The following MYO7B variants were observed in gnomAD, a reference collection of about 807,000 sequenced individuals.
MYO7B encodes the protein myosin VIIB.
MYO7B carries 212 observed loss-of-function variants against 259.7 expected under a neutral mutation model. The observed-to-expected ratio is 0.82, with a 90% CI of 0.73 to 0.91. MYO7B has a LOEUF of 0.91. Among genes scored for constraint, MYO7B ranks in the 40% least tolerant of loss-of-function variants. The probability of loss-of-function intolerance (pLI) is 0.00; values close to 1 mark genes in which losing one functional copy is unlikely to be tolerated. For missense variants in MYO7B, 2,732 were observed against 2,813.5 expected (o/e 0.97, Z 0.66); for synonymous variants, 1,197 against 1,166.4 (o/e 1.03, Z -0.54).
intron 6 of MYO7B, among the ~76,000 whole-genome samples, chr2:127,570,439 C>T (rs1035742837): frequency 6.6e-6 from 1 of 152,200 alleles, no homozygotes; most frequent in African/African-American, 2.4e-5. Flanking sequence ...TTGGCCAACC[C>T]AGCAGGCAGC....
In MYO7B at chr2:127,635,819, G is replaced by T; in HGVS notation, c.5918G>T (p.Arg1973Leu). ...TACAAGGCCCAGTTCAACAACGACCGGTCCCAGCTGGCTAGTGTCCCCAAG... is the reference window on the plus strand; with the variant it reads ...TACAAGGCCCAGTTCAACAACGACCTGTCCCAGCTGGCTAGTGTCCCCAAG... ...LIYKAQFNNDRSQLASVPKIL... is the reference protein window; with the variant it reads ...LIYKAQFNNDLSQLASVPKIL... Residue 1973 changes from arginine (R) to leucine (L), a missense_variant, in exon 44 of 48, where the codon CGG (arginine) becomes CTG (leucine). Physicochemically the swap from Arg to Leu is moderately radical, Grantham distance 102. Transcript: ENST00000409816. 6.3e-7 allele frequency: 1 copy of T among 1,587,334 alleles called. No homozygotes were observed. The highest frequency in any genetic ancestry group is 1.2e-5 in the South Asian group (1 of 86,826).
intron 2 of MYO7B, among the ~76,000 whole-genome samples, chr2:127,562,482 G>GTTTTTTTTTTTTT (rs56290548): frequency 2.5e-4 from 15 of 61,200 alleles, no homozygotes; most frequent in East Asian, 5.5e-4. Flanking sequence ...GGGTTTTATT[G>GTTTTTTTTTTTTT]TTTTTTTTTT....
At chr2:127,619,078 G>A (rs1388922311) in intron 26 of MYO7B, among the ~76,000 whole-genome samples, 1 of 141,304 alleles carries the variant, frequency 7.1e-6, no homozygotes, top group Admixed American at 7.0e-5. Context: ...TTGGGTTGTG[G>A]GGGCTGGTTG....
rs955692834 is a variant in MYO7B at position 127,539,890 on chromosome 2, C to T, written c.-24+4059C>T. ...TGTATCGTTCTTACGCCTTTGCAGC[C>T]TCATAGCTTAGCTCCCATTTATAAG... On this transcript the variant is annotated intron_variant, in intron 1 of 47. Transcript: ENST00000409816. The surrounding 1 kb of genome is among the most constrained non-coding windows in gnomAD (Gnocchi z 4.0). 6.6e-6 allele frequency among the ~76,000 whole-genome samples: 1 copy of T among 152,222 alleles called. No homozygotes were observed. The highest frequency in any genetic ancestry group is 1.5e-5 in the Non-Finnish European group (1 of 68,044).
intron 35 of MYO7B, 85 bp from the exon 36 acceptor site, chr2:127,630,693 T>G: frequency 5.7e-6 from 9 of 1,573,834 alleles, no homozygotes; most frequent in Non-Finnish European, 7.8e-6. Flanking sequence ...CCCAAGTCAC[T>G]GAGGCTGCCA....
rs1490931354 is a variant in MYO7B at position 127,636,817 on chromosome 2, C to T, written c.6231C>T (p.Phe2077=). ...AGGACCTGCTCACCACCTATCCCTT[C>T]ACCAAGATCTCCAGCTGGAGCAGCG... ...KTKDLLTTYP[F]TKISSWSSGS... is the part of the protein sequence containing the mutation. Residue 2077 remains phenylalanine (F), a synonymous_variant, in exon 47 of 48, where the codon TTC becomes TTT. Transcript: ENST00000409816. The surrounding 1 kb of genome is among the most constrained non-coding windows in gnomAD (Gnocchi z 4.5). 1.9e-6 allele frequency: 3 copies of T among 1,593,236 alleles called. No homozygotes were observed. The highest frequency in any genetic ancestry group is 2.3e-5 in the East Asian group (1 of 43,570).
chr2:127,629,098 G>A (rs1317466699), intron 34 of MYO7B, among the ~76,000 whole-genome samples: 2 of 152,230 alleles, frequency 1.3e-5, no homozygotes, highest in African/African-American at 4.8e-5. Context: ...GGTCATGGGC[G>A]GTGGGTGGTG....
intron 1 of MYO7B, among the ~76,000 whole-genome samples, chr2:127,555,433 G>C (rs1384172552): frequency 5.9e-5 from 9 of 152,000 alleles, no homozygotes; most frequent in African/African-American, 2.2e-4. Flanking sequence ...CTTCTGCTGG[G>C]TTTGGATTTG....
chr2:127,581,380 T>C (rs1006516447), intron 10 of MYO7B, among the ~76,000 whole-genome samples: 2 of 152,148 alleles, frequency 1.3e-5, no homozygotes, highest in Non-Finnish European at 2.9e-5. Context: ...GTCACCCCCA[T>C]TGACAGTTCT....
chr2:127,600,101 A>C (rs1421131774), intron 19 of MYO7B, among the ~76,000 whole-genome samples: 1 of 152,204 alleles, frequency 6.6e-6, no homozygotes, highest in East Asian at 1.9e-4. Flanking sequence ...GTTTGGCAAA[A>C]GTCTCCAGTG....
At chr2:127,548,881 A>G (rs1219594741) in intron 1 of MYO7B, among the ~76,000 whole-genome samples, 1 of 152,130 alleles carries the variant, frequency 6.6e-6, no homozygotes, top group African/African-American at 2.4e-5. Flanking sequence ...TAATCTCTAA[A>G]CATTTTGGGC....
In MYO7B at chr2:127,631,072, G is replaced by C. The variant is rs913675267; in HGVS notation, c.4938-134G>C. On this transcript the variant is annotated intron_variant, in intron 36 of 47. Transcript: ENST00000409816. ...AGCCTGCCTGGCCTTCCCAGGCCAG[G>C]GGAGTCAGGAGGGGCTTGCGGCAGG... 161 of 1,398,092 alleles carry C rather than the reference G, an allele frequency of 1.2e-4. 2 individuals carry two copies. In the East Asian group the frequency reaches 4.1e-3, roughly 35 times the overall value. The allele number at this position is 1,398,092 out of a possible 1,614,324, so 86.6% of individuals were successfully genotyped here. A position where few individuals can be genotyped will look rare whatever the true frequency, so the allele number is the denominator to read the frequency against.
chr2:127,635,313 G>T, intron 43 of MYO7B, 87 bp downstream of exon 43: 1 of 1,300,640 alleles, frequency 7.7e-7, no homozygotes, highest in Middle Eastern at 1.8e-4. Context: ...GCAGGCCAGG[G>T]CAGGGCCAGC....
chr2:127,637,247 G>A (rs1236310187), intron 47 of MYO7B, 69 bp from the exon 48 acceptor site: 10 of 1,199,178 alleles, frequency 8.3e-6, no homozygotes, highest in Non-Finnish European at 1.2e-5. Context: ...AGAGAAGGTG[G>A]TCCCTGAGTC....
chr2:127,596,591 T>C, intron 19 of MYO7B, 35 bp downstream of exon 19: 1 of 1,417,862 alleles, frequency 7.1e-7, no homozygotes, highest in Non-Finnish European at 9.5e-7. Flanking sequence ...CCCAGCCTAC[T>C]CCTGCCCACA....
In MYO7B at chr2:127,596,468, C is replaced by G. The variant is rs779314539; in HGVS notation, c.2251C>G (p.Gln751Glu). Residue 751 changes from glutamine to glutamate, a missense_variant, in exon 19 of 48, where the codon CAG (glutamine) becomes GAG (glutamate). Transcript: ENST00000409816. ...GKTKIFLRDH[Q>E]DTLLEVQRSQ... The stretch of plus-strand genomic sequence containing the variant: ...GGCGTCTCTCCTGTTCCAGGATCAT[C>G]AGGACACTCTGCTGGAGGTACAGAG... The G allele has an allele frequency of 6.8e-6, 11 of 1,613,108 alleles. No individual in the cohort carries two copies. The highest frequency in any genetic ancestry group is 3.3e-5 in the Admixed American group (2 of 59,940).
chr2:127,547,113 T>C (rs1693262515), intron 1 of MYO7B, among the ~76,000 whole-genome samples: 2 of 151,998 alleles, frequency 1.3e-5, no homozygotes, highest in African/African-American at 4.8e-5. Context: ...TCCATCCATT[T>C]ACCTATCCAC....
intron 47 of MYO7B, 99 bp downstream of exon 47, chr2:127,637,012 G>A (rs1374162645): frequency 1.3e-6 from 2 of 1,547,006 alleles, no homozygotes; most frequent in Admixed American, 3.8e-5. Flanking sequence ...CACTAAGAGG[G>A]CTCAGTCACA....
rs572463392 is a variant in MYO7B, at chr2:127,609,165, G to A, written c.2814+287G>A. On this transcript the variant is annotated intron_variant, in intron 22 of 47. Coordinates refer to ENST00000409816, the MANE Select transcript of MYO7B (RefSeq NM_001393586.1). This position sits in a 1 kb window ranked among gnomAD's most constrained non-coding sequence, Gnocchi z 6.9. Reference sequence around the variant, plus strand: ...TCCCCGCGTATATTTGACCCCACCCGGGCACCCCCAGAGCACCTTTGAGGC... The same window carrying A: ...TCCCCGCGTATATTTGACCCCACCCAGGCACCCCCAGAGCACCTTTGAGGC... 5.3e-5 allele frequency among the ~76,000 whole-genome samples: 8 copies of A among 152,256 alleles called. No individual in the cohort carries two copies. The highest frequency in any genetic ancestry group is 9.6e-5 in the African/African-American group (4 of 41,572).
Sources: allele counts gnomAD v4.1 joint callset (sites outside exome capture counted in the v4.1 genomes callset), GRCh38; gene constraint gnomAD v4.1.1; non-coding constraint Gnocchi (gnomAD v3.1); transcripts MANE v1.5; gene names NCBI Gene and HGNC (gene_info 2026-07-23, HGNC 2026-07-21).